PDE7A: variants seen among roughly 807,000 people sequenced by gnomAD.
The protein encoded by PDE7A is phosphodiesterase 7A, also known as high affinity 3',5'-cyclic-AMP phosphodiesterase 7A.
Under a neutral mutation model 64.3 loss-of-function variants are expected in PDE7A, and 39 were observed. That is an observed-to-expected ratio of 0.61 (90% CI 0.47 to 0.79). PDE7A has a LOEUF of 0.79. PDE7A is among the 30% of genes least tolerant of loss of function. The probability of loss-of-function intolerance (pLI) is 0.00; values close to 1 mark genes in which losing one functional copy is unlikely to be tolerated. For missense variants in PDE7A, 470 were observed against 582.8 expected, an observed-to-expected ratio of 0.81 and a Z score of 1.99; for synonymous variants, 203 against 206.8, an observed-to-expected ratio of 0.98 and a Z score of 0.16.
At chr8:65,794,831 A>G (rs1809796214) in intron 1 of PDE7A, among the ~76,000 whole-genome samples, 1 of 152,238 alleles carries the variant, frequency 6.6e-6, no homozygotes. Context: ...GCATAACAAC[A>G]AGTAATTACA....
intron 3 of PDE7A, among the ~76,000 whole-genome samples, chr8:65,750,496 G>GTGTGTC (rs1563487011): frequency 6.9e-6 from 1 of 144,584 alleles, no homozygotes; most frequent in African/African-American, 2.8e-5. Context: ...GTGTGTGTGT[G>GTGTGTC]TGTGTGTCTG....
intron 3 of PDE7A, among the ~76,000 whole-genome samples, chr8:65,752,492 T>C (rs568784587): frequency 6.6e-6 from 1 of 152,342 alleles, no homozygotes; most frequent in Admixed American, 6.5e-5. Flanking sequence ...TCATTATCTC[T>C]GGCATTGAAA....
In PDE7A at chr8:65,719,304, T is replaced by C. The variant is rs758094199; in HGVS notation, c.1435A>G (p.Asn479Asp). Residue 479 changes from asparagine to aspartate, a missense_variant, in exon 13 of 13, where the codon AAT (asparagine) becomes GAT (aspartate). Asn to Asp is a conservative substitution (Grantham distance 23, BLOSUM62 1). Transcript: ENST00000401827. ...GGTTCTGGGGGTTATGATAACCGAT[T>C]TTCCTGAGGTAATAACTGTGAGTTC... ...ELNSQLLPQE[N>D]RLS is the part of the protein sequence containing the mutation. 4.3e-6 allele frequency: 7 copies of C among 1,613,552 alleles called. No homozygotes were observed. The South Asian group carries it at 7.7e-5, about 18-fold the overall frequency.
At chr8:65,763,878 A>C (rs1376903374) in intron 3 of PDE7A, among the ~76,000 whole-genome samples, 1 of 152,256 alleles carries the variant, frequency 6.6e-6, no homozygotes. Context: ...ATTAAGATTA[A>C]GGTCCAATAC....
chr8:65,749,156 A>G (rs1415664749), intron 3 of PDE7A, among the ~76,000 whole-genome samples: 1 of 152,176 alleles, frequency 6.6e-6, no homozygotes, highest in Admixed American at 6.5e-5. Context: ...ATTCATCTAT[A>G]ATAGTACTTC....
intron 1 of PDE7A, among the ~76,000 whole-genome samples, chr8:65,804,786 G>A (rs973047352): frequency 3.3e-5 from 5 of 152,060 alleles, no homozygotes; most frequent in Non-Finnish European, 7.4e-5. Context: ...TGATCTACCC[G>A]CCTCGGCCTC....
At chr8:65,739,917 A>G (rs1807333217) in intron 5 of PDE7A, among the ~76,000 whole-genome samples, 2 of 152,328 alleles carry the variant, frequency 1.3e-5, no homozygotes, top group African/African-American at 4.8e-5. Flanking sequence ...ATTGTCCCAC[A>G]TAGTAACCTA....
At chr8:65,823,880 GT>G (rs1810601742) in intron 1 of PDE7A, among the ~76,000 whole-genome samples, 1 of 152,092 alleles carries the variant, frequency 6.6e-6, no homozygotes, top group South Asian at 2.1e-4. Context: ...GGCAGTACAA[GT>G]AGGACATTAA....
chr8:65,749,811 T>G (rs962466636), intron 3 of PDE7A, among the ~76,000 whole-genome samples: 1 of 152,226 alleles, frequency 6.6e-6, no homozygotes, highest in African/African-American at 2.4e-5. Context: ...CAAGGGTTTT[T>G]AAATTATATT....
At chr8:65,788,706 GA>G (rs1370247937) in intron 1 of PDE7A, among the ~76,000 whole-genome samples, 2 of 152,032 alleles carry the variant, frequency 1.3e-5, no homozygotes, top group East Asian at 3.9e-4. Context: ...TGTGGGATAA[GA>G]ACAAAAACTA....
At chr8:65,745,325 T>C (rs571926096) in intron 5 of PDE7A, 82 bp downstream of exon 5, 3 of 825,332 alleles carry the variant, frequency 3.6e-6, no homozygotes, top group Non-Finnish European at 6.4e-6. Context: ...GTACAGTAAA[T>C]GAAAGCAACG....
At position 65,735,070 on chromosome 8, in the gene PDE7A, A is replaced by G. The variant is rs552816779; in HGVS notation, c.596-176T>C. 1.7e-4 allele frequency among the ~76,000 whole-genome samples: 26 copies of G among 152,316 alleles called. 1 individual carries two copies. In the South Asian group the frequency reaches 1.9e-3, roughly 11 times the overall value. Reference sequence around the variant, plus strand: ...ACTCACATGTATACCAAAAGAATCAATATCAATTTGACTCTCTATGCTATC... The same window carrying G: ...ACTCACATGTATACCAAAAGAATCAGTATCAATTTGACTCTCTATGCTATC... On this transcript the variant is annotated intron_variant, in intron 6 of 12. Coordinates refer to ENST00000401827, the MANE Select transcript of PDE7A (RefSeq NM_001242318.3).
At chr8:65,835,548 A>T (rs184348512) in intron 1 of PDE7A, among the ~76,000 whole-genome samples, 199 of 152,256 alleles carry the variant, frequency 1.3e-3, no homozygotes, top group Non-Finnish European at 1.7e-3. Flanking sequence ...CCCTACATTC[A>T]TCCTCAGAAA....
At chr8:65,792,040 G>T (rs1809716183) in intron 1 of PDE7A, among the ~76,000 whole-genome samples, 1 of 151,996 alleles carries the variant, frequency 6.6e-6, no homozygotes, top group African/African-American at 2.4e-5. Flanking sequence ...TTATAACTTA[G>T]ATAATTCTCC....
chr8:65,788,836 T>G, intron 1 of PDE7A: 1 of 1,302,510 alleles, frequency 7.7e-7, no homozygotes, highest in Non-Finnish European at 1.1e-6. Context: ...ATCAAATATG[T>G]AAACTAATGA....
At chr8:65,750,854 A>G (rs767765016) in intron 3 of PDE7A, among the ~76,000 whole-genome samples, 1 of 152,180 alleles carries the variant, frequency 6.6e-6, no homozygotes, top group Non-Finnish European at 1.5e-5. Context: ...GTTAAGATTC[A>G]TTATCAAGAG....
intron 1 of PDE7A, among the ~76,000 whole-genome samples, chr8:65,786,199 A>C (rs1809554357): frequency 6.6e-6 from 1 of 152,198 alleles, no homozygotes; most frequent in African/African-American, 2.4e-5. Context: ...ATTCATTATA[A>C]GGTACTAATT....
At chr8:65,832,197 T>C (rs1025931407) in intron 1 of PDE7A, among the ~76,000 whole-genome samples, 1 of 152,228 alleles carries the variant, frequency 6.6e-6, no homozygotes, top group African/African-American at 2.4e-5. Context: ...GAAATAATAC[T>C]AGAATCCATT....
intron 2 of PDE7A, among the ~76,000 whole-genome samples, chr8:65,781,302 G>A (rs1382263966): frequency 6.6e-6 from 1 of 152,068 alleles, no homozygotes; most frequent in Non-Finnish European, 1.5e-5. Flanking sequence ...AAGGCAAGAG[G>A]CTGGCGTGGC....
Sources: allele counts gnomAD v4.1 joint callset (sites outside exome capture counted in the v4.1 genomes callset), GRCh38; gene constraint gnomAD v4.1.1; transcripts MANE v1.5; gene names NCBI Gene and HGNC (gene_info 2026-07-23, HGNC 2026-07-21).